The following RIT2 variants were observed in gnomAD, a reference collection of about 807,000 sequenced individuals.
RIT2 encodes the protein Ras like without CAAX 2.
A neutral mutation model predicts 23.7 loss-of-function variants in RIT2; 24 were observed. That is an observed-to-expected ratio of 1.01 (90% CI 0.73 to 1.43). The LOEUF (loss-of-function observed/expected upper bound fraction) is 1.43. Ranked by LOEUF, RIT2 falls within the 40% of genes most tolerant of loss-of-function variation. The pLI, the probability that RIT2 is intolerant of heterozygous loss-of-function variation, is 0.00. For missense variants in RIT2, 236 were observed against 266.9 expected (o/e 0.88, Z 0.81); for synonymous variants, 107 against 91.1 (o/e 1.17, Z -0.99).
At chr18:43,043,794 C>T (rs1419293991) in intron 1 of RIT2, among the ~76,000 whole-genome samples, 1 of 151,822 alleles carries the variant, frequency 6.6e-6, no homozygotes, top group African/African-American at 2.4e-5. Flanking sequence ...AGCGAAACTC[C>T]GTCTCAAACA....
chr18:43,013,896 C>T (rs1029159711), intron 2 of RIT2, among the ~76,000 whole-genome samples: 8 of 151,748 alleles, frequency 5.3e-5, no homozygotes, highest in East Asian at 1.9e-4. Context: ...CCCAGCTCTA[C>T]GCTAGATACA....
intron 1 of RIT2, among the ~76,000 whole-genome samples, chr18:43,101,375 A>G (rs1332066750): frequency 6.6e-6 from 1 of 152,174 alleles, no homozygotes; most frequent in Non-Finnish European, 1.5e-5. Flanking sequence ...CATTTTAATT[A>G]TGTCTAATTA....
intron 4 of RIT2, among the ~76,000 whole-genome samples, chr18:42,809,831 A>C (rs1281841154): frequency 8.5e-6 from 1 of 117,260 alleles, no homozygotes; most frequent in Non-Finnish European, 1.7e-5. Flanking sequence ...TATAATATAT[A>C]TATAATTTGT....
At chr18:42,930,914 G>A (rs764898019) in intron 3 of RIT2, among the ~76,000 whole-genome samples, 29 of 152,094 alleles carry the variant, frequency 1.9e-4, no homozygotes, top group East Asian at 7.7e-4. Flanking sequence ...CTTTGCCTCC[G>A]TTTGAAGTAT....
At chr18:43,106,334 T>C (rs893535293) in intron 1 of RIT2, among the ~76,000 whole-genome samples, 2 of 152,192 alleles carry the variant, frequency 1.3e-5, no homozygotes, top group Non-Finnish European at 2.9e-5. Flanking sequence ...TAAGAGGAAA[T>C]GTGAACTGGT....
intron 3 of RIT2, among the ~76,000 whole-genome samples, chr18:42,943,936 C>T (rs1909664417): frequency 6.6e-6 from 1 of 152,056 alleles, no homozygotes; most frequent in South Asian, 2.1e-4. Flanking sequence ...TTTTTTCTTT[C>T]AGAAAGGACA....
chr18:42,828,003 CAAAA>C (rs200737336), intron 4 of RIT2, among the ~76,000 whole-genome samples: 1,406 of 51,618 alleles, frequency 0.027, 11 homozygotes, highest in African/African-American at 0.092. Flanking sequence ...GACTCCGTCT[CAAAA>C]AAAAAAAAAA....
intron 1 of RIT2, among the ~76,000 whole-genome samples, chr18:43,064,964 G>A (rs1912735297): frequency 6.6e-6 from 1 of 151,854 alleles, no homozygotes; most frequent in African/African-American, 2.4e-5. Flanking sequence ...TTACAGGCGT[G>A]CACCACCATG....
intron 1 of RIT2, among the ~76,000 whole-genome samples, chr18:43,080,393 G>C (rs927592323): frequency 3.9e-5 from 6 of 152,162 alleles, no homozygotes; most frequent in African/African-American, 1.4e-4. Context: ...ACACCTTGCT[G>C]TCTCCTATTT....
intron 1 of RIT2, among the ~76,000 whole-genome samples, chr18:43,065,434 A>G (rs1912750294): frequency 6.6e-6 from 1 of 151,846 alleles, no homozygotes; most frequent in Non-Finnish European, 1.5e-5. Context: ...GGTAAATCAC[A>G]AAATAGCAAC....
At chr18:42,904,375 C>G (rs1439185269) in intron 4 of RIT2, among the ~76,000 whole-genome samples, 1 of 152,048 alleles carries the variant, frequency 6.6e-6, no homozygotes, top group Non-Finnish European at 1.5e-5. Flanking sequence ...AATAGGGTCC[C>G]ATAAGTCTTT....
chr18:42,883,140 G>A (rs1005247804), intron 4 of RIT2, among the ~76,000 whole-genome samples: 7 of 152,024 alleles, frequency 4.6e-5, no homozygotes, highest in Non-Finnish European at 7.4e-5. Context: ...GCACGAGAGT[G>A]TGTGTGCGTG....
chr18:42,944,869 C>T (rs1909691188), intron 3 of RIT2, among the ~76,000 whole-genome samples: 1 of 151,956 alleles, frequency 6.6e-6, no homozygotes. Flanking sequence ...AGAAAATATA[C>T]AATTTATAAG....
chr18:42,765,935 T>G (rs1913411241), intron 4 of RIT2, among the ~76,000 whole-genome samples: 1 of 152,130 alleles, frequency 6.6e-6, no homozygotes, highest in Non-Finnish European at 1.5e-5. Flanking sequence ...CATTTTTGCT[T>G]CTTCCTCATT....
intron 2 of RIT2, among the ~76,000 whole-genome samples, chr18:43,016,037 C>T (rs942622480): frequency 6.6e-6 from 1 of 151,762 alleles, no homozygotes; most frequent in Non-Finnish European, 1.5e-5. Context: ...AGGTGCATGA[C>T]TATGTAAGGA....
chr18:42,870,460 C>T (rs943332795), intron 4 of RIT2, among the ~76,000 whole-genome samples: 8 of 152,048 alleles, frequency 5.3e-5, no homozygotes, highest in African/African-American at 7.2e-5. Context: ...AGAATCTGCC[C>T]GCCTCAGCCT....
intron 4 of RIT2, among the ~76,000 whole-genome samples, chr18:42,773,849 A>G (rs902228798): frequency 1.3e-5 from 2 of 152,228 alleles, no homozygotes; most frequent in Non-Finnish European, 2.9e-5. Flanking sequence ...GTCTATCTCT[A>G]TAACACAAAA....
chr18:42,780,286 C>G (rs1913780585), intron 4 of RIT2, among the ~76,000 whole-genome samples: 1 of 151,904 alleles, frequency 6.6e-6, no homozygotes, highest in African/African-American at 2.4e-5. Context: ...AGGAGGATTT[C>G]AAGATTTCCT....
At chr18:42,998,975 G>T (rs903148312) in intron 2 of RIT2, among the ~76,000 whole-genome samples, 1 of 152,054 alleles carries the variant, frequency 6.6e-6, no homozygotes, top group Non-Finnish European at 1.5e-5. Context: ...TTGAGGTCCA[G>T]TTCTACAATG....
Sources: allele counts gnomAD v4.1 joint callset (sites outside exome capture counted in the v4.1 genomes callset), GRCh38; gene constraint gnomAD v4.1.1; transcripts MANE v1.5; gene names NCBI Gene and HGNC (gene_info 2026-07-23, HGNC 2026-07-21).